SLITRK3: variants seen among roughly 807,000 people sequenced by gnomAD.
SLITRK3 encodes the protein SLIT and NTRK-like protein 3.
Under a neutral mutation model 63.6 loss-of-function variants are expected in SLITRK3, and 16 were observed. That is an observed-to-expected ratio of 0.25 (90% CI 0.17 to 0.38). The LOEUF (loss-of-function observed/expected upper bound fraction) is 0.38, where lower values mean the gene tolerates loss of function less well. Among genes scored for constraint, SLITRK3 ranks in the 10% least tolerant of loss-of-function variants. The pLI, the probability that SLITRK3 is intolerant of heterozygous loss-of-function variation, is 1.00. For synonymous variants in SLITRK3, 547 were observed against 451.6 expected (o/e 1.21, Z -2.68); for missense variants, 1,117 against 1,181.4 (o/e 0.95, Z 0.80).
rs533083526 is a variant in SLITRK3 at position 165,188,982 on chromosome 3, C to T, written c.1849G>A (p.Val617Ile). The T allele has an allele frequency of 3.1e-6, 5 of 1,614,180 alleles. No individual in the cohort carries two copies. Among genetic ancestry groups the T allele is most frequent in the African/African-American group, 1.3e-5 (1 of 75,048 alleles). Reference protein sequence around the residue: ...LEVLCPEMLHVAPAGESPAQP... With the variant: ...LEVLCPEMLHIAPAGESPAQP... ...GCTGGGGATTCTCCAGCTGGTGCAA[C>T]GTGCAGCATCTCTGGGCAAAGAACT... The change falls in exon 2 of 2, where the codon GTT becomes ATT. Residue 617 changes from valine to isoleucine, a missense_variant. This residue lies in a region of SLITRK3 where 499 missense variants were observed against 463.6 expected (regional missense o/e 1.08). Coordinates refer to ENST00000475390, the MANE Select transcript of SLITRK3 (RefSeq NM_001318810.2).
Position 165,187,880 on chromosome 3 carries a change from A to G in SLITRK3, c.*17T>C, listed in dbSNP as rs751817041. The G allele has an allele frequency of 4.5e-6, 7 of 1,551,500 alleles. No homozygotes were observed. The highest frequency in any genetic ancestry group is 2.1e-5 in the Admixed American group (1 of 47,990). On this transcript the variant is annotated 3_prime_UTR_variant, in exon 2 of 2. Coordinates refer to ENST00000475390, the MANE Select transcript of SLITRK3 (RefSeq NM_001318810.2). ...CTTTTGAAAAAAAAAAAGCACTAAT[A>G]TATTTTCTTCTCTCTGTTAGAACCT... is the stretch of plus-strand genomic sequence containing the variant.
Position 165,188,396 on chromosome 3 carries a change from A to T in SLITRK3, c.2435T>A (p.Leu812Gln). 6.2e-7 allele frequency: 1 copy of T among 1,613,816 alleles called. No individual in the cohort carries two copies. Among genetic ancestry groups the T allele is most frequent in the Non-Finnish European group, 8.5e-7 (1 of 1,179,958 alleles). The change falls in exon 2 of 2, where the codon CTG (leucine) becomes CAG (glutamine). Residue 812 changes from leucine to glutamine, a missense_variant. Leu to Gln is a moderately radical substitution (Grantham distance 113). Transcript: ENST00000475390. ...TAGGGCCCACTCCTTCTCTTTTTCC[A>T]GCAAGGTCCGGTAGTTACTATGGTT... is the stretch of plus-strand genomic sequence containing the variant. ...KENHSNYRTL[L>Q]EKEKEWALAV...
intron 1 of SLITRK3, among the ~76,000 whole-genome samples, chr3:165,193,106 A>AGTGTGTGTGTGTGTGT (rs35240347): frequency 7.0e-6 from 1 of 143,342 alleles, no homozygotes; most frequent in African/African-American, 2.6e-5. Context: ...CAGTTGAGTG[A>AGTGTGTGTGTGTGTGT]GTGTGTGTGT....
intron 1 of SLITRK3, among the ~76,000 whole-genome samples, chr3:165,193,106 A>AGAGT (rs1333447474): frequency 2.8e-5 from 4 of 143,430 alleles, no homozygotes; most frequent in African/African-American, 1.0e-4. Context: ...CAGTTGAGTG[A>AGAGT]GTGTGTGTGT....
chr3:165,196,943 T>TCTCTCTCG (rs1718460443), upstream of SLITRK3: 3 of 138,190 alleles, frequency 2.2e-5, no homozygotes, highest in East Asian at 6.9e-4. Flanking sequence ...TCTGTCTCTC[T>TCTCTCTCG]CTCTCTCGCT....
chr3:165,187,326 G>A lies in SLITRK3; in HGVS notation c.*571C>T, dbSNP rs1717989993. ...AGATGGATATGTGTATGAGAGACAA[G>A]ATAGTGAGTGAGAACATTCGAGCAA... On this transcript the variant is annotated 3_prime_UTR_variant, in exon 2 of 2. Coordinates refer to ENST00000475390, the MANE Select transcript of SLITRK3 (RefSeq NM_001318810.2). 6.6e-6 allele frequency: 1 copy of A among 152,272 alleles called. No homozygotes were observed. 9.4% of individuals were successfully genotyped at this position (152,272 alleles called of 1,614,324 possible).
At chr3:165,194,292 C>T (rs1384121934) in intron 1 of SLITRK3, among the ~76,000 whole-genome samples, 1 of 152,164 alleles carries the variant, frequency 6.6e-6, no homozygotes, top group East Asian at 1.9e-4. Context: ...CAAAGCACAG[C>T]TTACATGTCA....
Position 165,196,031 on chromosome 3 carries a change from C to T in SLITRK3, c.-473G>A, listed in dbSNP as rs1718404741. On this transcript the variant is annotated 5_prime_UTR_variant, in exon 1 of 2. The change abolishes the stop of an existing upstream ORF in the 5' untranslated region. Transcript: ENST00000475390. ...TCTTTCTCTCTTCCTCAAAGGTTGT[C>T]ACTCACAGCGCAATCCCTGCCCGAG... The T allele has an allele frequency of 6.5e-6, 1 of 152,736 alleles. No homozygotes were observed. The highest frequency in any genetic ancestry group is 2.4e-5 in the African/African-American group (1 of 41,446). 9.5% of individuals were successfully genotyped at this position (152,736 alleles called of 1,614,324 possible).
upstream of SLITRK3, chr3:165,196,897 G>GTCTCCCTCTCTCTCTC: frequency 1.0e-5 from 1 of 96,528 alleles, no homozygotes; most frequent in African/African-American, 3.6e-5. Context: ...CTCTCTCTCT[G>GTCTCCCTCTCTCTCTC]TCTCTCTCTC....
chr3:165,196,003 C>A lies in SLITRK3; in HGVS notation c.-445G>T, dbSNP rs1386231867. Reference sequence around the variant, plus strand: ...GAGCCTGAGCTCAGTCTCTGGATTTCTCTCTTTCTCTCTTCCTCAAAGGTT... The same window carrying A: ...GAGCCTGAGCTCAGTCTCTGGATTTATCTCTTTCTCTCTTCCTCAAAGGTT... On this transcript the variant is annotated 5_prime_UTR_variant, in exon 1 of 2. Transcript: ENST00000475390. 6.5e-6 allele frequency: 1 copy of A among 152,710 alleles called. No homozygotes were observed. Among genetic ancestry groups the A allele is most frequent in the African/African-American group, 2.4e-5 (1 of 41,456 alleles). The allele number at this position is 152,710 out of a possible 1,614,324, so 9.5% of individuals were successfully genotyped here.
rs765557566 is a variant in SLITRK3 at position 165,188,738 on chromosome 3, A to C, written c.2093T>G (p.Leu698Arg). 2 of 1,614,118 alleles carry C rather than the reference A, an allele frequency of 1.2e-6. No homozygotes were observed. The highest frequency in any genetic ancestry group is 1.7e-6 in the Non-Finnish European group (2 of 1,180,044). ...GTGGCATTGCATTTGGATGCCAGTA[A>C]GGTCCACACCTTCCTGCCGCTTGCT... Reference protein sequence around the residue: ...FRSKRQEGVDLTGIQMQCHRL... With the variant: ...FRSKRQEGVDRTGIQMQCHRL... Residue 698 changes from leucine to arginine, a missense_variant, in exon 2 of 2, where the codon CTT (leucine) becomes CGT (arginine). Leu to Arg is a moderately radical substitution (Grantham distance 102). Coordinates refer to ENST00000475390, the MANE Select transcript of SLITRK3 (RefSeq NM_001318810.2).
At chr3:165,196,559 G>C (rs1718425106), upstream of SLITRK3, 1 of 153,166 alleles carries the variant, frequency 6.5e-6, no homozygotes, top group Admixed American at 6.5e-5. Context: ...AATGGCCTAG[G>C]AAATAACTAA....
At chr3:165,194,048 G>A (rs1718334000) in intron 1 of SLITRK3, among the ~76,000 whole-genome samples, 1 of 152,098 alleles carries the variant, frequency 6.6e-6, no homozygotes, top group Admixed American at 6.5e-5. Context: ...ACTGGGGAGA[G>A]CCAAGTGTGC....
Position 165,188,079 on chromosome 3 carries a change from G to C in SLITRK3, c.2752C>G (p.Pro918Ala), listed in dbSNP as rs1471980937. ...PKLKELHVHPPGMQYPDLQQD... is the reference protein window; with the variant it reads ...PKLKELHVHPAGMQYPDLQQD... Reference sequence around the variant, plus strand: ...TGTAAGTCTGGGTATTGCATGCCAGGAGGGTGCACGTGCAGTTCCTTTAAT... The same window carrying C: ...TGTAAGTCTGGGTATTGCATGCCAGCAGGGTGCACGTGCAGTTCCTTTAAT... The change falls in exon 2 of 2, where the codon CCT (proline) becomes GCT (alanine). Residue 918 changes from proline (P) to alanine (A), a missense_variant. Around this residue, in one of 4 missense-constraint regions of SLITRK3, gnomAD observed 499 missense variants for 463.6 expected, o/e 1.08. Transcript: ENST00000475390. 1 of 1,613,692 alleles carries C rather than the reference G, an allele frequency of 6.2e-7. No homozygotes were observed. The highest frequency in any genetic ancestry group is 1.3e-5 in the African/African-American group (1 of 74,770).
chr3:165,193,102 AGTGAGT>A (rs957729586), intron 1 of SLITRK3, among the ~76,000 whole-genome samples: 2 of 133,770 alleles, frequency 1.5e-5, no homozygotes, highest in Non-Finnish European at 3.3e-5. Context: ...TATACAGTTG[AGTGAGT>A]GTGTGTGTGT....
At position 165,190,528 on chromosome 3, in the gene SLITRK3, A is replaced by G. The variant is rs1195837604; in HGVS notation, c.303T>C (p.Asn101=). ...KLYTNSFLHL[N]NAVSINLGNN... ...TCCCAAGATTAATAGACACAGCATT[A>G]TTCAAATGAAGAAAACTGTTGGTAT... is the stretch of plus-strand genomic sequence containing the variant. Residue 101 remains asparagine (N), a synonymous_variant, in exon 2 of 2, where the codon AAT becomes AAC. Coordinates refer to ENST00000475390, the MANE Select transcript of SLITRK3 (RefSeq NM_001318810.2). The G allele has an allele frequency of 1.2e-6, 2 of 1,613,780 alleles. No individual in the cohort carries two copies. The highest frequency in any genetic ancestry group is 1.3e-5 in the African/African-American group (1 of 75,058).
At position 165,188,494 on chromosome 3, in the gene SLITRK3, A is replaced by G. The variant is rs769135945; in HGVS notation, c.2337T>C (p.Gly779=). 33 of 1,611,730 alleles carry G rather than the reference A, an allele frequency of 2.0e-5. No individual in the cohort carries two copies. Among genetic ancestry groups the G allele is most frequent in the Middle Eastern group, 1.6e-4 (1 of 6,080 alleles). The stretch of plus-strand genomic sequence containing the variant: ...CCATTCCCGGTGGTTGTGTCCCTGG[A>G]CCCCCACGTTCTGCACTCCCTGCTT... ...AQEAGSAERG[G]PGTQPPGMGE... Residue 779 remains glycine (G), a synonymous_variant, in exon 2 of 2, where the codon GGT becomes GGC. Transcript: ENST00000475390.
chr3:165,190,204 C>A lies in SLITRK3; in HGVS notation c.627G>T (p.Lys209Asn). The change falls in exon 2 of 2, where the codon AAG (lysine) becomes AAT (asparagine). Residue 209 changes from lysine to asparagine, a missense_variant. By Grantham distance (94) the Lys-to-Asn change is moderately conservative. Transcript: ENST00000475390. ...CTAGCATTCCTCGGTAAAAAAGAACCTTTAACCTATTTCCACGTAGGTCCA... is the reference window on the plus strand; with the variant it reads ...CTAGCATTCCTCGGTAAAAAAGAACATTTAACCTATTTCCACGTAGGTCCA... Reference protein sequence around the residue: ...THLDLRGNRLKVLFYRGMLDH... With the variant: ...THLDLRGNRLNVLFYRGMLDH... 1 of 1,614,186 alleles carries A rather than the reference C, an allele frequency of 6.2e-7. No homozygotes were observed. Among genetic ancestry groups the A allele is most frequent in the Non-Finnish European group, 8.5e-7 (1 of 1,180,032 alleles).
intron 1 of SLITRK3, among the ~76,000 whole-genome samples, chr3:165,191,929 A>G (rs988076392): frequency 2.6e-5 from 4 of 152,228 alleles, no homozygotes; most frequent in African/African-American, 7.2e-5. Context: ...AATGCAGTGC[A>G]CTATTCTGAT....
Sources: gnomAD v4.1 joint callset for allele counts (sites outside exome capture counted in the v4.1 genomes callset) on GRCh38, gnomAD v4.1.1 for gene constraint, gnomAD v4.1.1 regional missense constraint, MANE v1.5 for transcripts, NCBI Gene and HGNC (gene_info 2026-07-23, HGNC 2026-07-21) for gene names.